Variants in CACNA1H observed in about 807,000 individuals in gnomAD.
CACNA1H encodes voltage-dependent T-type calcium channel subunit alpha-1H.
Under a neutral mutation model 192.5 loss-of-function variants are expected in CACNA1H, and 149 were observed. That is an observed-to-expected ratio of 0.77 (90% CI 0.68 to 0.89). The LOEUF (loss-of-function observed/expected upper bound fraction) is 0.89. Among genes scored for constraint, CACNA1H ranks in the 40% least tolerant of loss-of-function variants. The pLI is 0.00. For synonymous variants in CACNA1H, 2,202 were observed against 1,475.2 expected (o/e 1.49, Z -11.29); for missense variants, 4,257 against 3,423.5 (o/e 1.24, Z -6.08).
Position 1,210,667 on chromosome 16 carries a change from G to T in CACNA1H, c.4038+16G>T. On this transcript the variant is annotated intron_variant, in intron 20 of 34. Transcript: ENST00000348261. ...GATGGTGAAGGTACCGCGGGGCCCG[G>T]GGACTGCCCTTGTTCCCAGGTCCCC... The T allele has an allele frequency of 6.3e-7, 1 of 1,599,652 alleles. No homozygotes were observed.
intron 2 of CACNA1H, among the ~76,000 whole-genome samples, chr16:1,192,724 G>T (rs1966729751): frequency 6.6e-6 from 1 of 152,204 alleles, no homozygotes; most frequent in Non-Finnish European, 1.5e-5. Context: ...ACATTTCTGG[G>T]GGGTCTCCGG....
chr16:1,192,519 G>C (rs1466318665), intron 2 of CACNA1H, among the ~76,000 whole-genome samples: 1 of 152,248 alleles, frequency 6.6e-6, no homozygotes, highest in African/African-American at 2.4e-5. Context: ...TCTGGGCCGG[G>C]TCCAGAAGTC....
At chr16:1,158,852 C>T (rs978385260) in intron 2 of CACNA1H, among the ~76,000 whole-genome samples, 7 of 148,038 alleles carry the variant, frequency 4.7e-5, no homozygotes, top group African/African-American at 2.6e-5. Context: ...CACAGGGCCC[C>T]GCTCAGCCCG....
At chr16:1,219,568 C>T (rs986177109) in intron 34 of CACNA1H, among the ~76,000 whole-genome samples, 2 of 152,246 alleles carry the variant, frequency 1.3e-5, no homozygotes, top group African/African-American at 2.4e-5. Flanking sequence ...CCTTGCCCAC[C>T]TGCAGCCTCA....
intron 3 of CACNA1H, 43 bp from the exon 4 acceptor site, chr16:1,195,389 A>G: frequency 6.5e-7 from 1 of 1,549,162 alleles, no homozygotes; most frequent in Non-Finnish European, 8.7e-7. Context: ...TTGTGGGCTG[A>G]GCTGAGCTGT....
intron 27 of CACNA1H, among the ~76,000 whole-genome samples, chr16:1,214,167 G>A (rs927423333): frequency 4.6e-5 from 7 of 151,996 alleles, no homozygotes; most frequent in Non-Finnish European, 1.0e-4. Context: ...AGGGGCTGGC[G>A]GGAGGTGAGT....
Position 1,200,520 on chromosome 16 carries a change from C to T in CACNA1H, c.1068C>T (p.Asn356=), listed in dbSNP as rs369894677. Reference sequence around the variant, plus strand: ...GCTCGGGTGACTCCAACCCCCACAACGGTGCCATCAACTTCGACAACATCG... The same window carrying T: ...GCTCGGGTGACTCCAACCCCCACAATGGTGCCATCAACTTCGACAACATCG... The part of the protein sequence containing the change: ...VCRSGDSNPH[N]GAINFDNIGY... The change falls in exon 7 of 35, where the codon AAC becomes AAT. Residue 356 remains asparagine, a synonymous_variant. Coordinates refer to ENST00000348261, the MANE Select transcript of CACNA1H (RefSeq NM_021098.3). The T allele has an allele frequency of 1.4e-4, 220 of 1,612,212 alleles. 1 individual carries two copies. Among genetic ancestry groups the T allele is most frequent in the Non-Finnish European group, 1.6e-4 (191 of 1,179,734 alleles).
intron 2 of CACNA1H, among the ~76,000 whole-genome samples, chr16:1,184,103 A>G (rs1047039939): frequency 2.6e-5 from 4 of 152,176 alleles, no homozygotes; most frequent in Non-Finnish European, 5.9e-5. Context: ...AGCCCATTGC[A>G]CAGGGTGTAG....
rs372601783 is a variant in CACNA1H, at chr16:1,217,937, C to G, written c.5342C>G (p.Pro1781Arg). 137 of 1,604,920 alleles carry G rather than the reference C, an allele frequency of 8.5e-5. No homozygotes were observed. The highest frequency in any genetic ancestry group is 1.1e-4 in the Non-Finnish European group (132 of 1,176,654). ...CCCGCAGAGTGCAGTGAAGACAACC[C>G]CTGCGAGGGCCTGAGCAGGCACGCC... The part of the protein sequence containing the change: ...FGRLECSEDN[P>R]CEGLSRHATF... The change falls in exon 32 of 35, where the codon CCC becomes CGC. Residue 1781 changes from proline to arginine, a missense_variant. Physicochemically the swap from Pro to Arg is moderately radical, Grantham distance 103. Coordinates refer to ENST00000348261, the MANE Select transcript of CACNA1H (RefSeq NM_021098.3).
chr16:1,202,445 G>A lies in CACNA1H; in HGVS notation c.1995G>A (p.Gly665=), dbSNP rs921132705. The change falls in exon 9 of 35, where the codon GGG becomes GGA. Residue 665 remains glycine, a synonymous_variant. Coordinates refer to ENST00000348261, the MANE Select transcript of CACNA1H (RefSeq NM_021098.3). ...DPYEKIPHVV[G]EHGLGQAPGH... ...ACGAGAAGATCCCGCATGTGGTCGGGGAGCATGGTGAGGACCCAGCCCCAC... is the reference window on the plus strand; with the variant it reads ...ACGAGAAGATCCCGCATGTGGTCGGAGAGCATGGTGAGGACCCAGCCCCAC... 1 of 1,491,296 alleles carries A rather than the reference G, an allele frequency of 6.7e-7. No individual in the cohort carries two copies. Among genetic ancestry groups the A allele is most frequent in the Non-Finnish European group, 9.0e-7 (1 of 1,116,292 alleles). The allele number at this position is 1,491,296 out of a possible 1,614,324, so 92.4% of individuals were successfully genotyped here.
At position 1,167,327 on chromosome 16, in the gene CACNA1H, TGCGGGGGCGATATCGGCGCGGA is replaced by T. The variant is rs1465993052; in HGVS notation, c.299+13297_299+13318del. Among the ~76,000 whole-genome samples the T allele has an allele frequency of 6.6e-6, 1 of 151,312 alleles. No homozygotes were observed. On this transcript the variant is annotated intron_variant, in intron 2 of 34. Coordinates refer to ENST00000348261, the MANE Select transcript of CACNA1H (RefSeq NM_021098.3). This position sits in a 1 kb window ranked among gnomAD's most constrained non-coding sequence, Gnocchi z 4.2. ...GAACCTTGGATTCCTGACACACGGG[TGCGGGGGCGATATCGGCGCGGA>T]GCGGGCGGGGTGGCGCCCGGGCCGC...
intron 2 of CACNA1H, among the ~76,000 whole-genome samples, chr16:1,154,513 C>CCGAGTG (rs1458212600): frequency 6.6e-6 from 1 of 152,136 alleles, no homozygotes; most frequent in Non-Finnish European, 1.5e-5. Context: ...CCTGGTGGTT[C>CCGAGTG]CGAGTGCGTG....
At chr16:1,184,842 G>A (rs7189313) in intron 2 of CACNA1H, among the ~76,000 whole-genome samples, 12,508 of 152,312 alleles carry the variant, frequency 0.082, 1,351 homozygotes, top group African/African-American at 0.25. Context: ...GCAAAGCTGG[G>A]AACGCAGGCT....
At position 1,210,062 on chromosome 16, in the gene CACNA1H, C is replaced by T; in HGVS notation, c.3772C>T (p.Leu1258=). ...DSCCLRLHKV[L]EPYKPQWCRS... ...CTGCTGCCTCCGCCTGCATAAAGTG[C>T]TGGAGCCCTACAAGCCCCAGTGGTG... is the stretch of plus-strand genomic sequence containing the variant. Residue 1258 remains leucine (L), a synonymous_variant, in exon 18 of 35, where the codon CTG becomes TTG. Coordinates refer to ENST00000348261, the MANE Select transcript of CACNA1H (RefSeq NM_021098.3). 6.4e-7 allele frequency: 1 copy of T among 1,554,684 alleles called. No homozygotes were observed. Among genetic ancestry groups the T allele is most frequent in the African/African-American group, 1.4e-5 (1 of 73,284 alleles).
Position 1,195,511 on chromosome 16 carries a change from A to G in CACNA1H, c.491A>G (p.Lys164Arg). The G allele has an allele frequency of 6.2e-7, 1 of 1,603,186 alleles. No individual in the cohort carries two copies. The highest frequency in any genetic ancestry group is 8.5e-7 in the Non-Finnish European group (1 of 1,175,114). Residue 164 changes from lysine (K) to arginine (R), a missense_variant, in exon 4 of 35, where the codon AAG becomes AGG. Coordinates refer to ENST00000348261, the MANE Select transcript of CACNA1H (RefSeq NM_021098.3). ...KMVALGLFGQKCYLGDTWNRL... is the reference protein window; with the variant it reads ...KMVALGLFGQRCYLGDTWNRL... ...GTGGCCTTGGGGCTGTTCGGGCAGA[A>G]GTGTTACCTGGGTGACACGTGGAAC...
chr16:1,220,674 G>A lies in CACNA1H; in HGVS notation c.6742G>A (p.Gly2248Arg), dbSNP rs750211355. The A allele has an allele frequency of 1.9e-6, 3 of 1,609,022 alleles. No individual in the cohort carries two copies. The highest frequency in any genetic ancestry group is 3.4e-5 in the Admixed American group (2 of 59,396). Residue 2248 changes from glycine to arginine, a missense_variant, in exon 35 of 35, where the codon GGG becomes AGG. By Grantham distance (125) the Gly-to-Arg change is moderately radical. Transcript: ENST00000348261. ...CGCCGGGGGGGACCCTGCAGCCAAG[G>A]GGGAGCGCTGGGGCCAGGCCTCCTG... ...SGAGGDPAAK[G>R]ERWGQASCRA... is the part of the protein sequence containing the mutation.
At chr16:1,155,922 CTTTGTG>C in intron 2 of CACNA1H, among the ~76,000 whole-genome samples, 1 of 152,068 alleles carries the variant, frequency 6.6e-6, no homozygotes, top group Non-Finnish European at 1.5e-5. Flanking sequence ...TCCTTTTGGG[CTTTGTG>C]ACCTGACAGG....
intron 22 of CACNA1H, 26 bp downstream of exon 22, chr16:1,211,320 G>A (rs1404833359): frequency 6.2e-7 from 1 of 1,612,368 alleles, no homozygotes; most frequent in African/African-American, 1.3e-5. Flanking sequence ...GTGCCCGGGG[G>A]TCTGCCCCGT....
chr16:1,202,593 C>T (rs1164917147), intron 9 of CACNA1H, 141 bp downstream of exon 9: 6 of 782,368 alleles, frequency 7.7e-6, no homozygotes, highest in East Asian at 5.8e-5. Context: ...AGCTATGCCT[C>T]TGGAGCCCAT....
Sources: gnomAD v4.1 joint callset for allele counts (sites outside exome capture counted in the v4.1 genomes callset) on GRCh38, gnomAD v4.1.1 for gene constraint, Gnocchi (gnomAD v3.1) non-coding constraint, MANE v1.5 for transcripts, NCBI Gene and HGNC (gene_info 2026-07-23, HGNC 2026-07-21) for gene names.